The following SCAPER variants were observed in gnomAD, a reference collection of about 807,000 sequenced individuals.
SCAPER encodes S-phase cyclin A associated protein in the ER.
Under a neutral mutation model 182.2 loss-of-function variants are expected in SCAPER, and 98 were observed. The ratio of observed to expected loss-of-function variants is 0.54; its 90% CI spans 0.46 to 0.64. The LOEUF (loss-of-function observed/expected upper bound fraction) is 0.64, where lower values mean the gene tolerates loss of function less well. Among genes scored for constraint, SCAPER ranks in the 30% least tolerant of loss-of-function variants. The probability of loss-of-function intolerance (pLI) is 0.00; values close to 1 mark genes in which losing one functional copy is unlikely to be tolerated. For synonymous variants in SCAPER, 605 were observed against 564.6 expected, an observed-to-expected ratio of 1.07 and a Z score of -1.01; for missense variants, 1,432 against 1,690.0, an observed-to-expected ratio of 0.85 and a Z score of 2.68.
At chr15:76,559,065 C>G (rs898857780) in intron 23 of SCAPER, among the ~76,000 whole-genome samples, 1 of 151,788 alleles carries the variant, frequency 6.6e-6, no homozygotes, top group East Asian at 1.9e-4. Flanking sequence ...GATGGAGCCT[C>G]GCTCTGTTGC....
chr15:76,710,454 T>C (rs2059502062), intron 17 of SCAPER, among the ~76,000 whole-genome samples: 1 of 151,988 alleles, frequency 6.6e-6, no homozygotes, highest in African/African-American at 2.4e-5. Context: ...AGTTGTAGAA[T>C]GAAATAAATT....
intron 20 of SCAPER, among the ~76,000 whole-genome samples, chr15:76,675,587 C>T (rs957811059): frequency 7.2e-5 from 11 of 152,248 alleles, no homozygotes; most frequent in East Asian, 3.9e-4. Flanking sequence ...TGACAAAAAA[C>T]GGTCAGGCTC....
chr15:76,875,246 CTG>C (rs1196025286), intron 2 of SCAPER, among the ~76,000 whole-genome samples: 1 of 152,160 alleles, frequency 6.6e-6, no homozygotes, highest in Non-Finnish European at 1.5e-5. Context: ...CTGAAAAACT[CTG>C]ATATCAGAAC....
chr15:76,348,823 G>A (rs2040341282), intron 31 of SCAPER, 87 bp from the exon 32 acceptor site: 3 of 786,026 alleles, frequency 3.8e-6, no homozygotes, highest in Non-Finnish European at 6.0e-6. Flanking sequence ...TTTGATATCT[G>A]AGTATAAAAT....
chr15:76,458,714 C>T (rs2048930358), intron 25 of SCAPER, among the ~76,000 whole-genome samples: 1 of 152,036 alleles, frequency 6.6e-6, no homozygotes, highest in African/African-American at 2.4e-5. Context: ...ATATACAATA[C>T]ACTGTTGTAA....
chr15:76,768,880 G>A (rs945170797), intron 10 of SCAPER, among the ~76,000 whole-genome samples: 1 of 151,254 alleles, frequency 6.6e-6, no homozygotes, highest in African/African-American at 2.4e-5. Flanking sequence ...ACACAAAAAC[G>A]TTCGTGGCAT....
At chr15:76,570,299 T>C (rs746014220) in intron 23 of SCAPER, among the ~76,000 whole-genome samples, 1 of 152,094 alleles carries the variant, frequency 6.6e-6, no homozygotes, top group African/African-American at 2.4e-5. Context: ...GTCCCTACCA[T>C]TGATTGTCCT....
At chr15:76,358,008 T>G (rs1226992309) in intron 29 of SCAPER, among the ~76,000 whole-genome samples, 5 of 152,220 alleles carry the variant, frequency 3.3e-5, no homozygotes, top group Non-Finnish European at 7.3e-5. Context: ...TTCAGGTGAC[T>G]GTTACACTAA....
At chr15:76,701,154 G>A (rs2147255362) in intron 20 of SCAPER, among the ~76,000 whole-genome samples, 1 of 149,136 alleles carries the variant, frequency 6.7e-6, no homozygotes, top group East Asian at 2.0e-4. Flanking sequence ...TGCCCTCAAA[G>A]AACCCACAAT....
At chr15:76,821,659 G>A (rs980695665) in intron 5 of SCAPER, among the ~76,000 whole-genome samples, 2 of 152,012 alleles carry the variant, frequency 1.3e-5, no homozygotes, top group East Asian at 3.9e-4. Context: ...GGCCGGGCAC[G>A]GTGGCTCACA....
chr15:76,643,389 G>A (rs1292205901), intron 21 of SCAPER, among the ~76,000 whole-genome samples: 2 of 152,102 alleles, frequency 1.3e-5, no homozygotes, highest in African/African-American at 4.8e-5. Context: ...TCTTTAGAAA[G>A]TCATCATTCT....
intron 23 of SCAPER, among the ~76,000 whole-genome samples, chr15:76,561,833 T>G (rs1479708687): frequency 9.9e-5 from 15 of 151,606 alleles, no homozygotes; most frequent in African/African-American, 2.7e-4. Context: ...ATTAGTTTTT[T>G]TTTTTTTTTT....
chr15:76,515,998 C>A (rs921998883), intron 23 of SCAPER, among the ~76,000 whole-genome samples: 1 of 152,024 alleles, frequency 6.6e-6, no homozygotes, highest in African/African-American at 2.4e-5. Flanking sequence ...CTTGTCTGTG[C>A]TGACAGAGAA....
intron 9 of SCAPER, among the ~76,000 whole-genome samples, chr15:76,773,709 C>T (rs184174925): frequency 1.5e-4 from 23 of 151,934 alleles, no homozygotes; most frequent in Admixed American, 9.2e-4. Flanking sequence ...GAGTCATTCT[C>T]ATCAGTAAAG....
At chr15:76,712,119 G>A (rs1489336907) in intron 17 of SCAPER, among the ~76,000 whole-genome samples, 2 of 152,124 alleles carry the variant, frequency 1.3e-5, no homozygotes, top group Non-Finnish European at 2.9e-5. Context: ...TTTGTATAAG[G>A]TGTAAGGAAG....
intron 29 of SCAPER, among the ~76,000 whole-genome samples, chr15:76,366,894 C>T (rs529419755): frequency 6.6e-6 from 1 of 152,296 alleles, no homozygotes; most frequent in South Asian, 2.1e-4. Context: ...CTCCAAAGTC[C>T]CCTTGGCAGC....
chr15:76,408,097 T>C lies in SCAPER; in HGVS notation c.3312-3418A>G, dbSNP rs1177254788. ...AATGCCTTAATATTTTAAATAGTTT[T>C]TTTTAAAATTAGAATCCAAACAAGA... On this transcript the variant is annotated intron_variant, in intron 26 of 31. Transcript: ENST00000563290. 2.0e-5 allele frequency among the ~76,000 whole-genome samples: 3 copies of C among 152,238 alleles called. No individual in the cohort carries two copies. The East Asian group carries it at 5.8e-4, about 29-fold the overall frequency.
At chr15:76,394,903 T>C (rs541497426) in intron 27 of SCAPER, among the ~76,000 whole-genome samples, 4 of 152,330 alleles carry the variant, frequency 2.6e-5, no homozygotes, top group African/African-American at 9.6e-5. Flanking sequence ...TTACTGACTA[T>C]AGTCACCCTG....
intron 20 of SCAPER, among the ~76,000 whole-genome samples, chr15:76,688,708 T>C (rs1008822952): frequency 3.9e-5 from 6 of 152,162 alleles, no homozygotes; most frequent in Non-Finnish European, 5.9e-5. Flanking sequence ...CCATTGCTTG[T>C]TTTTGTCAGG....
Sources: gnomAD v4.1 joint callset for allele counts (sites outside exome capture counted in the v4.1 genomes callset) on GRCh38, gnomAD v4.1.1 for gene constraint, MANE v1.5 for transcripts, NCBI Gene and HGNC (gene_info 2026-07-23, HGNC 2026-07-21) for gene names.